CDH4: variants seen among roughly 807,000 people sequenced by gnomAD.
CDH4 encodes the protein cadherin-4.
In CDH4, 33 loss-of-function variants were observed where a neutral mutation model predicts 86.0. The observed-to-expected ratio is 0.38, with a 90% CI of 0.29 to 0.51. The LOEUF (loss-of-function observed/expected upper bound fraction) is 0.51. CDH4 is among the 20% of genes least tolerant of loss of function. The pLI is 0.86. For missense variants in CDH4, 1,114 were observed against 1,307.4 expected, an observed-to-expected ratio of 0.85 and a Z score of 2.28; for synonymous variants, 555 against 549.4, an observed-to-expected ratio of 1.01 and a Z score of -0.14.
At chr20:61,559,331 A>C (rs2145684312) in intron 2 of CDH4, among the ~76,000 whole-genome samples, 1 of 151,960 alleles carries the variant, frequency 6.6e-6, no homozygotes, top group East Asian at 2.0e-4. Flanking sequence ...AAGAAGAAAA[A>C]AATTTTTAAA....
At chr20:61,615,954 A>AGAGAG (rs2086721623) in intron 2 of CDH4, among the ~76,000 whole-genome samples, 1 of 152,172 alleles carries the variant, frequency 6.6e-6, no homozygotes, top group Non-Finnish European at 1.5e-5. Context: ...TGAGAGGCCA[A>AGAGAG]GAGAGCAGAG....
At chr20:61,267,661 T>C (rs1344318955) in intron 2 of CDH4, among the ~76,000 whole-genome samples, 3 of 152,224 alleles carry the variant, frequency 2.0e-5, no homozygotes, top group African/African-American at 7.2e-5. Context: ...TAATATCACA[T>C]AGATATACTG....
Position 61,681,300 on chromosome 20 carries a change from A to C in CDH4, c.170-62263A>C, listed in dbSNP as rs2087510451. ...GTAGCTTTTTGCAAGGCTTGGTATG[A>C]ATTTTCTCTTTTGTCCAAATCATAC... is the stretch of plus-strand genomic sequence containing the variant. On this transcript the variant is annotated intron_variant, in intron 2 of 15. Coordinates refer to ENST00000614565, the MANE Select transcript of CDH4 (RefSeq NM_001794.5). The surrounding 1 kb of genome is among the most constrained non-coding windows in gnomAD (Gnocchi z 4.5). Among the ~76,000 whole-genome samples, 1 of 152,204 alleles carries C rather than the reference A, an allele frequency of 6.6e-6. No homozygotes were observed. Among genetic ancestry groups the C allele is most frequent in the Non-Finnish European group, 1.5e-5 (1 of 68,032 alleles).
intron 4 of CDH4, among the ~76,000 whole-genome samples, chr20:61,783,456 T>TCGGGACAG (rs1978652924): frequency 1.3e-5 from 2 of 152,194 alleles, no homozygotes; most frequent in African/African-American, 4.8e-5. Flanking sequence ...TCCCAGTTCC[T>TCGGGACAG]TGGGACAGTT....
intron 2 of CDH4, among the ~76,000 whole-genome samples, chr20:61,589,922 C>A (rs562679807): frequency 1.3e-5 from 2 of 151,676 alleles, no homozygotes; most frequent in Non-Finnish European, 2.9e-5. Flanking sequence ...TTAACAGGAG[C>A]GATGGGAATG....
rs551234345 is a variant in CDH4 at position 61,526,175 on chromosome 20, C to T, written c.170-217388C>T. On this transcript the variant is annotated intron_variant, in intron 2 of 15. Coordinates refer to ENST00000614565, the MANE Select transcript of CDH4 (RefSeq NM_001794.5). ...TCCCTCTCCTGCTGGTGCCCCTCCC[C>T]CTCCCCGGGTGGTTCTGTCCAGCAT... Among the ~76,000 whole-genome samples the T allele has an allele frequency of 7.6e-3, 1,162 of 152,158 alleles. 20 individuals carry two copies. Among genetic ancestry groups the T allele is most frequent in the African/African-American group, 0.026 (1,086 of 41,452 alleles).
chr20:61,570,763 G>A (rs1290617911), intron 2 of CDH4: 1 of 702,350 alleles, frequency 1.4e-6, no homozygotes, highest in South Asian at 1.5e-5. Context: ...TTGAGCCACG[G>A]CTTGTGATGA....
At chr20:61,320,796 G>A (rs148140263) in intron 2 of CDH4, among the ~76,000 whole-genome samples, 1 of 152,084 alleles carries the variant, frequency 6.6e-6, no homozygotes, top group African/African-American at 2.4e-5. Context: ...GGCAAAGGGA[G>A]CAGCGTGCGC....
intron 2 of CDH4, among the ~76,000 whole-genome samples, chr20:61,653,568 AC>A (rs1408181310): frequency 7.9e-6 from 1 of 126,680 alleles, no homozygotes. Flanking sequence ...GCGGGGGCTG[AC>A]CCCCACCTCC....
chr20:61,736,175 T>C lies in CDH4; in HGVS notation c.170-7388T>C, dbSNP rs112284518. ...CAGTCCCCACCCCGAAGGTGTAGGTTATCTCGCTGGCCGAGGGTCTTCCTG... is the reference window on the plus strand; with the variant it reads ...CAGTCCCCACCCCGAAGGTGTAGGTCATCTCGCTGGCCGAGGGTCTTCCTG... On this transcript the variant is annotated intron_variant, in intron 2 of 15. Coordinates refer to ENST00000614565, the MANE Select transcript of CDH4 (RefSeq NM_001794.5). Among the ~76,000 whole-genome samples the C allele has an allele frequency of 6.3e-3, 954 of 152,236 alleles. 7 individuals carry two copies. The highest frequency in any genetic ancestry group is 0.021 in the African/African-American group (887 of 41,548).
chr20:61,509,382 T>G (rs2085763677), intron 2 of CDH4, among the ~76,000 whole-genome samples: 2 of 150,516 alleles, frequency 1.3e-5, no homozygotes, highest in South Asian at 2.2e-4. Flanking sequence ...CAACCATGAT[T>G]TGGTGACTCC....
At chr20:61,422,308 C>T (rs186701259) in intron 2 of CDH4, among the ~76,000 whole-genome samples, 1 of 151,542 alleles carries the variant, frequency 6.6e-6, no homozygotes, top group East Asian at 2.0e-4. Context: ...CCTGTAATCC[C>T]AGCTACTCGG....
At chr20:61,329,895 G>GTCC (rs61211737) in intron 2 of CDH4, among the ~76,000 whole-genome samples, 86,660 of 143,480 alleles carry the variant, frequency 0.6, 25,749 homozygotes, top group Middle Eastern at 0.76. Flanking sequence ...CCCTCCCTGT[G>GTCC]AGTCATTATT....
chr20:61,526,171 T>A (rs2149480), intron 2 of CDH4, among the ~76,000 whole-genome samples: 3 of 149,406 alleles, frequency 2.0e-5, no homozygotes, highest in Admixed American at 1.3e-4. Context: ...CTGGTGCCCC[T>A]CCCCCTCCCC....
At chr20:61,875,114 G>A (rs1452854016) in intron 7 of CDH4, among the ~76,000 whole-genome samples, 1 of 152,148 alleles carries the variant, frequency 6.6e-6, no homozygotes, top group African/African-American at 2.4e-5. Flanking sequence ...TGGGGCTGTG[G>A]GACCCCCCGG....
At chr20:61,438,067 C>T (rs2085294970) in intron 2 of CDH4, among the ~76,000 whole-genome samples, 2 of 152,212 alleles carry the variant, frequency 1.3e-5, no homozygotes, top group Non-Finnish European at 2.9e-5. Flanking sequence ...ACAAACAGTG[C>T]ATGCCAGGTT....
intron 2 of CDH4, among the ~76,000 whole-genome samples, chr20:61,612,137 T>C (rs1480579181): frequency 6.6e-6 from 1 of 152,140 alleles, no homozygotes; most frequent in African/African-American, 2.4e-5. Flanking sequence ...GTACTTGCAA[T>C]AATTTAATAT....
intron 6 of CDH4, among the ~76,000 whole-genome samples, chr20:61,869,915 G>A (rs1040624115): frequency 1.3e-5 from 2 of 152,242 alleles, no homozygotes; most frequent in Admixed American, 1.3e-4. Context: ...AGTGGGCAGG[G>A]AGTTCCCATG....
intron 7 of CDH4, among the ~76,000 whole-genome samples, chr20:61,878,033 G>A (rs562668913): frequency 1.1e-3 from 168 of 152,166 alleles, no homozygotes; most frequent in Admixed American, 4.3e-3. Flanking sequence ...ACACAGACGG[G>A]CGTGGTCATC....
Sources: allele counts gnomAD v4.1 joint callset (sites outside exome capture counted in the v4.1 genomes callset), GRCh38; gene constraint gnomAD v4.1.1; non-coding constraint Gnocchi (gnomAD v3.1); transcripts MANE v1.5; gene names NCBI Gene and HGNC (gene_info 2026-07-23, HGNC 2026-07-21).